The following HSPA4L variants were observed in gnomAD, a reference collection of about 807,000 sequenced individuals.
HSPA4L encodes the protein heat shock protein family A (Hsp70) member 4 like, also known as heat shock 70 kDa protein 4L.
Under a neutral mutation model 100.3 loss-of-function variants are expected in HSPA4L, and 48 were observed. The ratio of observed to expected loss-of-function variants is 0.48; its 90% CI spans 0.38 to 0.61. The LOEUF is 0.61. Ranked by LOEUF, HSPA4L falls within the 20% of genes least tolerant of loss-of-function variation. HSPA4L has a pLI of 0.00. For missense variants in HSPA4L, 886 were observed against 988.6 expected, an observed-to-expected ratio of 0.90 and a Z score of 1.39; for synonymous variants, 319 against 328.2, an observed-to-expected ratio of 0.97 and a Z score of 0.30.
chr4:127,791,890 A>G (rs1198099168), intron 1 of HSPA4L, among the ~76,000 whole-genome samples: 1 of 152,232 alleles, frequency 6.6e-6, no homozygotes, highest in Non-Finnish European at 1.5e-5. Context: ...GTGTGAGTCT[A>G]TAGCATTGTG....
At chr4:127,812,242 C>G (rs772339720) in intron 12 of HSPA4L, among the ~76,000 whole-genome samples, 17 of 151,548 alleles carry the variant, frequency 1.1e-4, no homozygotes, top group Non-Finnish European at 1.8e-4. Flanking sequence ...ACCCCGTCTC[C>G]ACTAAAAATA....
intron 1 of HSPA4L, among the ~76,000 whole-genome samples, chr4:127,793,531 T>C (rs1732933243): frequency 6.6e-6 from 1 of 152,216 alleles, no homozygotes; most frequent in African/African-American, 2.4e-5. Context: ...TTCCATGCTA[T>C]TACATTTAAA....
rs1734168732 is a variant in HSPA4L at position 127,834,926 on chromosome 4, T to C, written c.*2052T>C. On this transcript the variant is annotated 3_prime_UTR_variant, in exon 19 of 19. Transcript: ENST00000296464. ...ATAGTACCACTAATTTTTGTAATTA[T>C]ATAACACTTCATTTAATAACTTATA... 6.6e-6 allele frequency: 1 copy of C among 152,236 alleles called. No homozygotes were observed. Among genetic ancestry groups the C allele is most frequent in the Admixed American group, 6.5e-5 (1 of 15,286 alleles). The allele number at this position is 152,236 out of a possible 1,614,324, so 9.4% of individuals were successfully genotyped here. A position where few individuals can be genotyped will look rare whatever the true frequency, so the allele number is the denominator to read the frequency against.
At chr4:127,827,174 A>G in intron 16 of HSPA4L, 131 bp from the exon 17 acceptor site, 1 of 695,548 alleles carries the variant, frequency 1.4e-6, no homozygotes, top group Non-Finnish European at 2.4e-6. Flanking sequence ...GCTTCCATAC[A>G]GGAAAATAAG....
chr4:127,801,049 C>A, intron 4 of HSPA4L, 89 bp from the exon 5 acceptor site: 1 of 891,922 alleles, frequency 1.1e-6, no homozygotes, highest in Non-Finnish European at 1.7e-6. Flanking sequence ...TTGCCTTAAA[C>A]TGTACATAAG....
rs369026519 is a variant in HSPA4L at position 127,834,014 on chromosome 4, T to C, written c.*1140T>C. On this transcript the variant is annotated 3_prime_UTR_variant, in exon 19 of 19. Coordinates refer to ENST00000296464, the MANE Select transcript of HSPA4L (RefSeq NM_014278.4). ...GCTGTTAACATTACCTTTTGAAACCTTGGCTCCAGTTTTGGTGCTTCTTAT... is the reference window on the plus strand; with the variant it reads ...GCTGTTAACATTACCTTTTGAAACCCTGGCTCCAGTTTTGGTGCTTCTTAT... 4.8e-4 allele frequency: 73 copies of C among 152,310 alleles called. No homozygotes were observed. Among genetic ancestry groups the C allele is most frequent in the Middle Eastern group, 3.4e-3 (1 of 294 alleles). 9.4% of individuals were successfully genotyped at this position (152,310 alleles called of 1,614,324 possible).
chr4:127,815,252 A>G (rs17012679), intron 12 of HSPA4L, among the ~76,000 whole-genome samples: 3,585 of 152,284 alleles, frequency 0.024, 124 homozygotes, highest in African/African-American at 0.082. Context: ...TGCTGACTTC[A>G]ATATAATGAT....
At chr4:127,815,448 C>T (rs192350424) in intron 12 of HSPA4L, among the ~76,000 whole-genome samples, 55 of 151,042 alleles carry the variant, frequency 3.6e-4, no homozygotes, top group Admixed American at 3.2e-3. Flanking sequence ...CTACTCAGGA[C>T]GCTGGGGCTG....
rs1560677043 is a variant in HSPA4L at position 127,839,186 on chromosome 4, C to T, written c.*6312C>T. The T allele has an allele frequency of 6.6e-6, 1 of 152,184 alleles. No homozygotes were observed. The highest frequency in any genetic ancestry group is 1.5e-5 in the Non-Finnish European group (1 of 68,024). 9.4% of individuals were successfully genotyped at this position (152,184 alleles called of 1,614,324 possible). A position where few individuals can be genotyped will look rare whatever the true frequency, so the allele number is the denominator to read the frequency against. On this transcript the variant is annotated 3_prime_UTR_variant, in exon 19 of 19. Transcript: ENST00000296464. ...TCTCTGGTTATGTATGTGTGTTGTG[C>T]ATCTTCCTTGTTGTTTTAGAGTTTC...
At chr4:127,782,021 C>T, upstream of HSPA4L, 1 of 454,166 alleles carries the variant, frequency 2.2e-6, no homozygotes, top group Non-Finnish European at 4.4e-6. Flanking sequence ...CTAGCCCGAC[C>T]GCCCGACGTC....
chr4:127,835,266 A>G lies in HSPA4L; in HGVS notation c.*2392A>G, dbSNP rs1214416093. The G allele has an allele frequency of 6.6e-6, 1 of 152,218 alleles. No homozygotes were observed. Among genetic ancestry groups the G allele is most frequent in the Non-Finnish European group, 1.5e-5 (1 of 68,040 alleles). 9.4% of individuals were successfully genotyped at this position (152,218 alleles called of 1,614,324 possible). ...AGGGAATATTTGGAATGATTAATAT[A>G]AATTAGTATACTTTGGCTCTGTGGA... On this transcript the variant is annotated 3_prime_UTR_variant, in exon 19 of 19. Transcript: ENST00000296464.
chr4:127,832,920 C>T lies in HSPA4L; in HGVS notation c.*46C>T, dbSNP rs754005316. On this transcript the variant is annotated 3_prime_UTR_variant, in exon 19 of 19. Coordinates refer to ENST00000296464, the MANE Select transcript of HSPA4L (RefSeq NM_014278.4). ...TTAATTCAAACCGTGCAAGTAACCA[C>T]GGGGTCCATCTTTTACATCTGGTAC... is the stretch of plus-strand genomic sequence containing the variant. 4.3e-6 allele frequency: 6 copies of T among 1,385,264 alleles called. No homozygotes were observed. The highest frequency in any genetic ancestry group is 1.4e-5 in the African/African-American group (1 of 69,248). The allele number at this position is 1,385,264 out of a possible 1,614,324, so 85.8% of individuals were successfully genotyped here. A position where few individuals can be genotyped will look rare whatever the true frequency, so the allele number is the denominator to read the frequency against.
intron 16 of HSPA4L, 122 bp from the exon 17 acceptor site, chr4:127,827,183 A>T: frequency 2.7e-6 from 2 of 744,262 alleles, no homozygotes; most frequent in Non-Finnish European, 4.3e-6. Flanking sequence ...CAGGAAAATA[A>T]GAGGGGATAT....
rs374709585 is a variant in HSPA4L at position 127,803,978 on chromosome 4, C to T, written c.909-33C>T. The T allele has an allele frequency of 5.0e-6, 8 of 1,608,824 alleles. No homozygotes were observed. The African/African-American group carries it at 9.4e-5, about 19-fold the overall frequency. ...AGAAGATACGCTCAACTTTTAATCC[C>T]AGAATAATGAATTTTATTCTATTTT... On this transcript the variant is annotated intron_variant, in intron 7 of 18. Transcript: ENST00000296464.
At chr4:127,831,627 T>G (rs1231241782) in intron 18 of HSPA4L, among the ~76,000 whole-genome samples, 3 of 151,882 alleles carry the variant, frequency 2.0e-5, no homozygotes, top group Non-Finnish European at 4.4e-5. Context: ...TATAGAGATA[T>G]CTGTTTAAAG....
At chr4:127,818,568 T>C (rs1217012387) in intron 13 of HSPA4L, 148 bp downstream of exon 13, 3 of 496,824 alleles carry the variant, frequency 6.0e-6, no homozygotes, top group African/African-American at 6.0e-5. Flanking sequence ...AAATATACTT[T>C]AATGATTTAT....
At chr4:127,804,938 T>TA (rs1733308012) in intron 8 of HSPA4L, 135 bp from the exon 9 acceptor site, 1 of 581,594 alleles carries the variant, frequency 1.7e-6, no homozygotes, top group African/African-American at 1.9e-5. Context: ...TATATCTTTC[T>TA]AAAAATTGTA....
In HSPA4L at chr4:127,834,230, T is replaced by A. The variant is rs1358688621; in HGVS notation, c.*1356T>A. On this transcript the variant is annotated 3_prime_UTR_variant, in exon 19 of 19. Transcript: ENST00000296464. The stretch of plus-strand genomic sequence containing the variant: ...GCATAGACAAGTATATGAGCCCTTA[T>A]GTCCTTAATGCCAATCAACTAGATT... 6.6e-6 allele frequency: 1 copy of A among 152,194 alleles called. No homozygotes were observed. The highest frequency in any genetic ancestry group is 1.5e-5 in the Non-Finnish European group (1 of 68,006). 9.4% of individuals were successfully genotyped at this position (152,194 alleles called of 1,614,324 possible).
In HSPA4L at chr4:127,803,892, G is replaced by A; in HGVS notation, c.908+19G>A. The A allele has an allele frequency of 1.2e-6, 2 of 1,610,596 alleles. No homozygotes were observed. Among genetic ancestry groups the A allele is most frequent in the Non-Finnish European group, 1.7e-6 (2 of 1,178,006 alleles). On this transcript the variant is annotated intron_variant, in intron 7 of 18. Transcript: ENST00000296464. ...TGAACAGGTACCACGTATGTTTTTA[G>A]TTTGAAAAGTGTTTACTTATTTTAT...
Sources: gnomAD v4.1 joint callset for allele counts (sites outside exome capture counted in the v4.1 genomes callset) on GRCh38, gnomAD v4.1.1 for gene constraint, MANE v1.5 for transcripts, NCBI Gene and HGNC (gene_info 2026-07-23, HGNC 2026-07-21) for gene names.